The following VPS13B variants were observed in gnomAD, a reference collection of about 807,000 sequenced individuals.
The protein encoded by VPS13B is vacuolar protein sorting 13 homolog B.
A neutral mutation model predicts 426.4 loss-of-function variants in VPS13B; 285 were observed. That is an observed-to-expected ratio of 0.67 (90% CI 0.61 to 0.74). VPS13B has a LOEUF of 0.74. VPS13B is among the 30% of genes least tolerant of loss of function. The pLI is 0.00. For missense variants in VPS13B, 4,537 were observed against 4,782.6 expected, an observed-to-expected ratio of 0.95 and a Z score of 1.51; for synonymous variants, 1,676 against 1,676.4, an observed-to-expected ratio of 1.00 and a Z score of 0.01.
intron 24 of VPS13B, among the ~76,000 whole-genome samples, chr8:99,478,447 G>GTTTTTTTTTTTTTTGTTTTT (rs1819825305): frequency 2.3e-5 from 2 of 85,776 alleles, no homozygotes; most frequent in African/African-American, 5.1e-5. Context: ...TTTTTGTTTT[G>GTTTTTTTTTTTTTTGTTTTT]TTTTTTTTTT....
chr8:99,537,008 T>C (rs1823280871), intron 30 of VPS13B: 1 of 338,236 alleles, frequency 3.0e-6, no homozygotes, highest in African/African-American at 2.2e-5. Context: ...TGGTAAACCA[T>C]GTCAAATTAT....
intron 30 of VPS13B, among the ~76,000 whole-genome samples, chr8:99,552,209 C>T (rs1824314498): frequency 6.6e-6 from 1 of 151,956 alleles, no homozygotes; most frequent in Non-Finnish European, 1.5e-5. Flanking sequence ...GTCTTGTTCC[C>T]TGCTCATACT....
chr8:99,082,205 A>G (rs1845517892), intron 3 of VPS13B, among the ~76,000 whole-genome samples: 1 of 152,156 alleles, frequency 6.6e-6, no homozygotes. Flanking sequence ...CATTTCTCTG[A>G]TGGCCAGTGA....
At chr8:99,572,612 G>A (rs1218282199) in intron 31 of VPS13B, among the ~76,000 whole-genome samples, 1 of 152,162 alleles carries the variant, frequency 6.6e-6, no homozygotes, top group East Asian at 1.9e-4. Flanking sequence ...CTTCATCCAT[G>A]TCCCTACAAA....
chr8:99,097,449 CAA>C (rs1762507299), intron 4 of VPS13B, among the ~76,000 whole-genome samples: 1 of 152,030 alleles, frequency 6.6e-6, no homozygotes, highest in Non-Finnish European at 1.5e-5. Flanking sequence ...TTTTTGCCCT[CAA>C]AGAGTTAACT....
intron 19 of VPS13B, among the ~76,000 whole-genome samples, chr8:99,313,011 A>G (rs1408921219): frequency 6.6e-6 from 1 of 152,182 alleles, no homozygotes; most frequent in African/African-American, 2.4e-5. Context: ...CATGTTTGTC[A>G]GCTCCATCAG....
intron 3 of VPS13B, among the ~76,000 whole-genome samples, chr8:99,044,869 C>T (rs1393775355): frequency 4.0e-5 from 6 of 149,726 alleles, no homozygotes; most frequent in Non-Finnish European, 5.9e-5. Flanking sequence ...CACACACACA[C>T]ACACACACAC....
At chr8:99,381,955 G>C (rs975650464) in intron 19 of VPS13B, among the ~76,000 whole-genome samples, 2 of 151,942 alleles carry the variant, frequency 1.3e-5, no homozygotes, top group Non-Finnish European at 2.9e-5. Context: ...GACTTTTATA[G>C]TTTTGAGTTT....
chr8:99,738,487 C>G (rs1833934054), intron 39 of VPS13B, among the ~76,000 whole-genome samples: 1 of 152,122 alleles, frequency 6.6e-6, no homozygotes, highest in Admixed American at 6.5e-5. Context: ...TTAAAACATT[C>G]TTTTGAACAC....
intron 17 of VPS13B, among the ~76,000 whole-genome samples, chr8:99,227,918 C>G (rs987194174): frequency 4.6e-5 from 7 of 152,060 alleles, no homozygotes; most frequent in African/African-American, 1.7e-4. Flanking sequence ...TGCTGCTGAC[C>G]CAGACTCTGG....
intron 2 of VPS13B, among the ~76,000 whole-genome samples, chr8:99,032,407 C>G (rs962463121): frequency 1.3e-5 from 2 of 151,886 alleles, no homozygotes; most frequent in African/African-American, 4.8e-5. Context: ...CTGTGTGCCT[C>G]ATGTCTTTTT....
chr8:99,190,192 CAG>C lies in VPS13B; in HGVS notation c.2334-2681_2334-2680del, dbSNP rs564096065. On this transcript the variant is annotated intron_variant, in intron 16 of 61. Transcript: ENST00000357162. ...ATATCCATGGTAATAGTCTTTGTTC[CAG>C]AGTTTACTTTGTCTAATGTTAATGT... Among the ~76,000 whole-genome samples, 8 of 152,070 alleles carry C rather than the reference CAG, an allele frequency of 5.3e-5. No individual in the cohort carries two copies. The South Asian group carries it at 1.7e-3, about 32-fold the overall frequency.
intron 2 of VPS13B, among the ~76,000 whole-genome samples, chr8:99,024,881 T>C (rs1842060003): frequency 6.6e-6 from 1 of 152,114 alleles, no homozygotes; most frequent in Non-Finnish European, 1.5e-5. Context: ...CTGTAGATCT[T>C]TTTGGGTCAT....
chr8:99,665,786 T>G (rs1421042660), intron 35 of VPS13B, among the ~76,000 whole-genome samples: 2 of 152,202 alleles, frequency 1.3e-5, no homozygotes, highest in Non-Finnish European at 2.9e-5. Flanking sequence ...GGCTTAGGAT[T>G]GACTTGGCGA....
At chr8:99,118,328 A>T (rs1459440137) in intron 7 of VPS13B, among the ~76,000 whole-genome samples, 1 of 152,162 alleles carries the variant, frequency 6.6e-6, no homozygotes, top group East Asian at 1.9e-4. Flanking sequence ...AGTTACATAC[A>T]TTGCTACACT....
intron 17 of VPS13B, among the ~76,000 whole-genome samples, chr8:99,203,695 C>T (rs1481972119): frequency 1.3e-5 from 2 of 152,160 alleles, no homozygotes; most frequent in Non-Finnish European, 2.9e-5. Flanking sequence ...GTGGAAAAAT[C>T]ACAAGCATTC....
intron 17 of VPS13B, among the ~76,000 whole-genome samples, chr8:99,194,747 T>C (rs1255735233): frequency 1.3e-5 from 2 of 152,228 alleles, no homozygotes; most frequent in Non-Finnish European, 2.9e-5. Context: ...TCTAACATGA[T>C]TTCATTTTCT....
intron 40 of VPS13B, 49 bp downstream of exon 40, chr8:99,767,019 T>G: frequency 6.3e-6 from 10 of 1,579,126 alleles, no homozygotes; most frequent in Non-Finnish European, 8.7e-6. Flanking sequence ...GAAACAATGA[T>G]AAGTCATCTT....
chr8:99,826,744 A>G (rs1213171303), intron 51 of VPS13B, among the ~76,000 whole-genome samples: 2 of 152,174 alleles, frequency 1.3e-5, no homozygotes, highest in Admixed American at 1.3e-4. Flanking sequence ...GATATGTTCC[A>G]TCAATACCTA....
Sources: allele counts gnomAD v4.1 joint callset (sites outside exome capture counted in the v4.1 genomes callset), GRCh38; gene constraint gnomAD v4.1.1; transcripts MANE v1.5; gene names NCBI Gene and HGNC (gene_info 2026-07-23, HGNC 2026-07-21).